Variants in ADAMTSL1 observed in about 807,000 individuals in gnomAD.
ADAMTSL1 encodes the protein ADAMTS-like protein 1.
ADAMTSL1 carries 126 observed loss-of-function variants against 201.8 expected under a neutral mutation model. The ratio of observed to expected loss-of-function variants is 0.62; its 90% CI spans 0.54 to 0.72. The LOEUF (loss-of-function observed/expected upper bound fraction) is 0.72, where lower values mean the gene tolerates loss of function less well. Ranked by LOEUF, ADAMTSL1 falls within the 30% of genes least tolerant of loss-of-function variation. The pLI is 0.00. For missense variants in ADAMTSL1, 2,679 were observed against 2,277.8 expected, an observed-to-expected ratio of 1.18 and a Z score of -3.59; for synonymous variants, 1,121 against 903.4, an observed-to-expected ratio of 1.24 and a Z score of -4.32.
intron 14 of ADAMTSL1, among the ~76,000 whole-genome samples, chr9:18,712,238 G>C (rs892067156): frequency 6.6e-6 from 1 of 152,242 alleles, no homozygotes; most frequent in Non-Finnish European, 1.5e-5. Context: ...ACGGAACAAA[G>C]CTGGACGGAG....
intron 3 of ADAMTSL1, among the ~76,000 whole-genome samples, chr9:18,540,556 T>C (rs547679411): frequency 2.6e-5 from 4 of 152,264 alleles, no homozygotes; most frequent in Non-Finnish European, 4.4e-5. Context: ...GTACAAGGTA[T>C]ATTGTGGGGA....
intron 3 of ADAMTSL1, among the ~76,000 whole-genome samples, chr9:18,568,330 A>T (rs1347040649): frequency 6.6e-6 from 1 of 152,216 alleles, no homozygotes; most frequent in Non-Finnish European, 1.5e-5. Context: ...TATGTAAAAG[A>T]GGCAGCCCAC....
chr9:18,599,769 G>T (rs1824504686), intron 4 of ADAMTSL1, among the ~76,000 whole-genome samples: 1 of 150,704 alleles, frequency 6.6e-6, no homozygotes, highest in African/African-American at 2.4e-5. Flanking sequence ...GCCAGTATTT[G>T]AATATAATTA....
chr9:18,277,750 G>T (rs1034670115), intron 2 of ADAMTSL1, among the ~76,000 whole-genome samples: 1 of 152,098 alleles, frequency 6.6e-6, no homozygotes, highest in Non-Finnish European at 1.5e-5. Flanking sequence ...TTTCACTGGA[G>T]AATTTAATCT....
intron 14 of ADAMTSL1, among the ~76,000 whole-genome samples, chr9:18,712,442 C>T (rs377586391): frequency 2.6e-5 from 4 of 151,492 alleles, no homozygotes; most frequent in East Asian, 1.9e-4. Context: ...TCCAGAACTA[C>T]GTGAAGAATG....
intron 4 of ADAMTSL1, among the ~76,000 whole-genome samples, chr9:18,593,844 G>C (rs750141411): frequency 1.3e-5 from 2 of 151,926 alleles, no homozygotes; most frequent in South Asian, 2.1e-4. Context: ...GGCTGTCCTT[G>C]AGAATGATCC....
chr9:18,753,628 T>C, intron 16 of ADAMTSL1, 120 bp downstream of exon 16: 2 of 1,113,266 alleles, frequency 1.8e-6, no homozygotes, highest in Non-Finnish European at 2.6e-6. Context: ...ATCTGCTCAT[T>C]TCTCCCTTCT....
intron 2 of ADAMTSL1, among the ~76,000 whole-genome samples, chr9:18,325,820 A>C (rs1479064132): frequency 6.6e-6 from 1 of 151,692 alleles, no homozygotes; most frequent in Non-Finnish European, 1.5e-5. Flanking sequence ...TGCTCACTGC[A>C]ACCTCCGCCC....
At chr9:18,005,635 A>T (rs555733883) in intron 1 of ADAMTSL1, among the ~76,000 whole-genome samples, 4 of 152,176 alleles carry the variant, frequency 2.6e-5, no homozygotes, top group Admixed American at 6.5e-5. Context: ...AGTAGGTCTT[A>T]ACTTTTAGGT....
At chr9:18,770,241 C>T (rs1820613726) in intron 16 of ADAMTSL1, among the ~76,000 whole-genome samples, 3 of 152,182 alleles carry the variant, frequency 2.0e-5, no homozygotes, top group Non-Finnish European at 2.9e-5. Context: ...GGAAGCAGCA[C>T]AGATTATTTT....
intron 2 of ADAMTSL1, among the ~76,000 whole-genome samples, chr9:18,388,277 G>C (rs1040344645): frequency 1.3e-5 from 2 of 150,256 alleles, no homozygotes; most frequent in Admixed American, 6.6e-5. Flanking sequence ...TTTTTGTTTT[G>C]TTTTATTTTT....
chr9:18,719,264 T>G (rs1350005814), intron 14 of ADAMTSL1, among the ~76,000 whole-genome samples: 1 of 152,178 alleles, frequency 6.6e-6, no homozygotes, highest in Non-Finnish European at 1.5e-5. Context: ...ATTTTGAAGC[T>G]CATAAACAAT....
intron 1 of ADAMTSL1, among the ~76,000 whole-genome samples, chr9:18,008,032 C>T (rs1819901128): frequency 6.6e-6 from 1 of 151,954 alleles, no homozygotes; most frequent in Non-Finnish European, 1.5e-5. Context: ...ATATTTTGCT[C>T]TAATTAGAAA....
chr9:18,804,002 G>A (rs1822955158), intron 20 of ADAMTSL1, among the ~76,000 whole-genome samples: 1 of 152,166 alleles, frequency 6.6e-6, no homozygotes, highest in African/African-American at 2.4e-5. Context: ...TCTAGGGAAA[G>A]TTTTTGCTTC....
chr9:18,598,519 T>C (rs752727545), intron 4 of ADAMTSL1, among the ~76,000 whole-genome samples: 2 of 152,320 alleles, frequency 1.3e-5, no homozygotes, highest in South Asian at 2.1e-4. Flanking sequence ...CTTTCACCAT[T>C]ACTAAGTGCA....
chr9:18,231,996 G>C (rs187829152), intron 2 of ADAMTSL1, among the ~76,000 whole-genome samples: 21 of 152,272 alleles, frequency 1.4e-4, no homozygotes, highest in African/African-American at 4.6e-4. Context: ...CTTGTTCTCA[G>C]TAAGCAGCCA....
chr9:18,679,339 G>A (rs1013868233), intron 10 of ADAMTSL1, among the ~76,000 whole-genome samples: 12 of 152,150 alleles, frequency 7.9e-5, no homozygotes, highest in Non-Finnish European at 7.4e-5. Flanking sequence ...TCAATAAGCA[G>A]AATATATGTA....
chr9:18,685,922 C>T (rs1269083133), intron 13 of ADAMTSL1, among the ~76,000 whole-genome samples: 1 of 149,840 alleles, frequency 6.7e-6, no homozygotes, highest in African/African-American at 2.5e-5. Context: ...CTTTTTTTCC[C>T]TATTTTTTTT....
chr9:18,066,994 G>C (rs866329436), intron 1 of ADAMTSL1, among the ~76,000 whole-genome samples: 9 of 152,128 alleles, frequency 5.9e-5, no homozygotes, highest in Non-Finnish European at 8.8e-5. Context: ...TTGTGGGGTG[G>C]GGGGAGAGAG....
Sources: allele counts gnomAD v4.1 joint callset (sites outside exome capture counted in the v4.1 genomes callset), GRCh38; gene constraint gnomAD v4.1.1; transcripts MANE v1.5; gene names NCBI Gene and HGNC (gene_info 2026-07-23, HGNC 2026-07-21).